Variants in CELF4 observed in about 807,000 individuals in gnomAD.
CELF4 encodes the protein CUGBP Elav-like family member 4.
In CELF4, 18 loss-of-function variants were observed where a neutral mutation model predicts 59.9. The ratio of observed to expected loss-of-function variants is 0.30; its 90% CI spans 0.21 to 0.45. The LOEUF is 0.45. CELF4 is among the 20% of genes least tolerant of loss of function. The pLI is 1.00. For missense variants in CELF4, 456 were observed against 689.0 expected, an observed-to-expected ratio of 0.66 and a Z score of 3.79; for synonymous variants, 261 against 267.1, an observed-to-expected ratio of 0.98 and a Z score of 0.22.
intron 3 of CELF4, among the ~76,000 whole-genome samples, chr18:37,313,030 A>C (rs2096732298): frequency 6.6e-6 from 1 of 152,186 alleles, no homozygotes. Context: ...GTGTGGAAGC[A>C]GGTGGGCAGG....
intron 9 of CELF4, among the ~76,000 whole-genome samples, chr18:37,265,820 C>G (rs1283669245): frequency 6.6e-6 from 1 of 152,232 alleles, no homozygotes; most frequent in Non-Finnish European, 1.5e-5. Context: ...GGAGACAGCA[C>G]TGGCTCTTCT....
chr18:37,417,297 C>A (rs2099537036), intron 2 of CELF4, among the ~76,000 whole-genome samples: 1 of 152,170 alleles, frequency 6.6e-6, no homozygotes, highest in Admixed American at 6.5e-5. Context: ...CACTGGGGAG[C>A]AGGTAGCTGC....
Position 37,300,569 on chromosome 18 carries a change from G to A in CELF4, c.448+21234C>T, listed in dbSNP as rs565599758. Among the ~76,000 whole-genome samples, 100 of 152,256 alleles carry A rather than the reference G, an allele frequency of 6.6e-4. 1 individual carries two copies. Among genetic ancestry groups the A allele is most frequent in the African/African-American group, 2.3e-3 (94 of 41,566 alleles). ...ACTGCCCTGTGGGTCCCTGTCCTGC[G>A]CATTCAGCCATTCATTTCCTGAGCT... is the stretch of plus-strand genomic sequence containing the variant. On this transcript the variant is annotated intron_variant, in intron 3 of 12. Coordinates refer to ENST00000420428, the MANE Select transcript of CELF4 (RefSeq NM_020180.4).
chr18:37,353,095 C>T (rs1433885311), intron 2 of CELF4, among the ~76,000 whole-genome samples: 1 of 151,764 alleles, frequency 6.6e-6, no homozygotes, highest in Admixed American at 6.6e-5. Context: ...ATGGCACGTG[C>T]CTGCAGTCCC....
chr18:37,282,237 A>T (rs2094233033), intron 3 of CELF4, among the ~76,000 whole-genome samples: 1 of 151,740 alleles, frequency 6.6e-6, no homozygotes, highest in Non-Finnish European at 1.5e-5. Context: ...TGTAGAGAGG[A>T]CCACCAGGGA....
intron 3 of CELF4, among the ~76,000 whole-genome samples, chr18:37,303,826 C>G (rs900416311): frequency 6.6e-6 from 1 of 152,206 alleles, no homozygotes; most frequent in Non-Finnish European, 1.5e-5. Context: ...TCCTCCCCAC[C>G]CCACCCCATG....
chr18:37,293,903 C>A (rs1461638023), intron 3 of CELF4, among the ~76,000 whole-genome samples: 1 of 114,036 alleles, frequency 8.8e-6, no homozygotes, highest in Non-Finnish European at 1.8e-5. Flanking sequence ...TTTACCACAT[C>A]AAACATATGG....
At chr18:37,553,658 GC>G (rs1214813752) in intron 1 of CELF4, among the ~76,000 whole-genome samples, 1 of 152,190 alleles carries the variant, frequency 6.6e-6, no homozygotes, top group Non-Finnish European at 1.5e-5. Flanking sequence ...CTCTGGCTTT[GC>G]GGTCCCTGTT....
chr18:37,338,586 C>T (rs1263867555), intron 2 of CELF4, among the ~76,000 whole-genome samples: 1 of 152,198 alleles, frequency 6.6e-6, no homozygotes, highest in African/African-American at 2.4e-5. Flanking sequence ...CCTCACACCC[C>T]ATGTCATGGC....
At chr18:37,453,102 G>A (rs576320669) in intron 2 of CELF4, among the ~76,000 whole-genome samples, 1 of 152,344 alleles carries the variant, frequency 6.6e-6, no homozygotes, top group Admixed American at 6.5e-5. Flanking sequence ...CCTTGCTTCC[G>A]GGTTCCCTCT....
chr18:37,417,214 G>T (rs1038934112), intron 2 of CELF4, among the ~76,000 whole-genome samples: 1 of 152,224 alleles, frequency 6.6e-6, no homozygotes, highest in Non-Finnish European at 1.5e-5. Flanking sequence ...AAGTGCAGGA[G>T]ATAGGGCTGC....
At chr18:37,311,837 C>T (rs112612377) in intron 3 of CELF4, among the ~76,000 whole-genome samples, 407 of 138,180 alleles carry the variant, frequency 2.9e-3, no homozygotes, top group African/African-American at 5.3e-3. Flanking sequence ...ATCGTCCGGG[C>T]GCGGTGGCTT....
At chr18:37,465,008 C>T (rs900849871) in intron 2 of CELF4, among the ~76,000 whole-genome samples, 4 of 152,070 alleles carry the variant, frequency 2.6e-5, no homozygotes, top group East Asian at 1.9e-4. Context: ...ATCCTGCTTC[C>T]GGGAAAGTCT....
intron 9 of CELF4, among the ~76,000 whole-genome samples, chr18:37,265,530 TGAGGTGTGGACTTGGCCTCTG>T (rs1435958329): frequency 6.6e-6 from 1 of 152,144 alleles, no homozygotes; most frequent in African/African-American, 2.4e-5. Flanking sequence ...GGGGGCCACC[TGAGGTGTGGACTTGGCCTCTG>T]GGAAGGCTGC....
In CELF4 at chr18:37,270,831, G is replaced by A. The variant is rs769836710; in HGVS notation, c.1036C>T (p.Pro346Ser). The change falls in exon 8 of 13, where the codon CCA becomes TCA. Residue 346 changes from proline to serine, a missense_variant. Pro to Ser is a moderately conservative substitution (Grantham distance 74). This residue lies in a region of CELF4 where 256 missense variants were observed against 340.8 expected (regional missense o/e 0.75). Coordinates refer to ENST00000420428, the MANE Select transcript of CELF4 (RefSeq NM_020180.4). ...GCAGCAGGTTGCCCATTGGCCTGTG[G>A]GGGGAGGCCGGTGAAGCCATTCACC... ...IGVNGFTGLP[P>S]QANGQPAAEA... 1.6e-5 allele frequency: 26 copies of A among 1,613,914 alleles called. No homozygotes were observed. The highest frequency in any genetic ancestry group is 1.7e-4 in the Middle Eastern group (1 of 6,056).
intron 3 of CELF4, among the ~76,000 whole-genome samples, chr18:37,288,854 G>C (rs1045462642): frequency 6.6e-6 from 1 of 152,138 alleles, no homozygotes; most frequent in African/African-American, 2.4e-5. Context: ...AGAGGAGCCT[G>C]TTCTCTGTTG....
chr18:37,303,781 C>T (rs2096230695), intron 3 of CELF4, among the ~76,000 whole-genome samples: 2 of 152,178 alleles, frequency 1.3e-5, no homozygotes, highest in Admixed American at 6.5e-5. Context: ...TCTGATGAGG[C>T]AGGTCTGGCC....
At chr18:37,321,471 T>C (rs1381156573) in intron 3 of CELF4, among the ~76,000 whole-genome samples, 1 of 152,200 alleles carries the variant, frequency 6.6e-6, no homozygotes, top group Non-Finnish European at 1.5e-5. Flanking sequence ...ACAAGCCCCA[T>C]CACGGTGGGG....
At chr18:37,255,330 T>C (rs2154283290) in intron 11 of CELF4, among the ~76,000 whole-genome samples, 1 of 151,994 alleles carries the variant, frequency 6.6e-6, no homozygotes, top group South Asian at 2.1e-4. Context: ...ACCTGCTGGT[T>C]CTTTTTCCCT....
Sources: gnomAD v4.1 joint callset for allele counts (sites outside exome capture counted in the v4.1 genomes callset) on GRCh38, gnomAD v4.1.1 for gene constraint, gnomAD v4.1.1 regional missense constraint, MANE v1.5 for transcripts, NCBI Gene and HGNC (gene_info 2026-07-23, HGNC 2026-07-21) for gene names.